Variants in NSG2 observed in about 807,000 individuals in gnomAD.
NSG2 encodes neuronal vesicle trafficking-associated protein 2.
Under a neutral mutation model 16.9 loss-of-function variants are expected in NSG2, and 4 were observed. The ratio of observed to expected loss-of-function variants is 0.24; its 90% CI spans 0.12 to 0.54. NSG2 has a LOEUF of 0.54. Ranked by LOEUF, NSG2 falls within the 20% of genes least tolerant of loss-of-function variation. The pLI, the probability that NSG2 is intolerant of heterozygous loss-of-function variation, is 0.95. For synonymous variants in NSG2, 98 were observed against 88.7 expected (o/e 1.11, Z -0.59); for missense variants, 179 against 221.1 (o/e 0.81, Z 1.21).
chr5:174,050,855 C>A (rs1759877062), intron 2 of NSG2, among the ~76,000 whole-genome samples: 1 of 152,094 alleles, frequency 6.6e-6, no homozygotes, highest in African/African-American at 2.4e-5. Context: ...TTCTCCCTTT[C>A]ATGCGACTCA....
chr5:174,065,801 T>A (rs1760128945), intron 3 of NSG2, among the ~76,000 whole-genome samples: 1 of 152,206 alleles, frequency 6.6e-6, no homozygotes, highest in South Asian at 2.1e-4. Flanking sequence ...TTCCACCTTA[T>A]CCTAGCTGTG....
intron 3 of NSG2, among the ~76,000 whole-genome samples, chr5:174,079,434 T>G (rs1760409648): frequency 6.6e-6 from 1 of 152,152 alleles, no homozygotes; most frequent in South Asian, 2.1e-4. Flanking sequence ...ATTTTTGTAT[T>G]TTTAGTAGAG....
intron 2 of NSG2, among the ~76,000 whole-genome samples, chr5:174,062,893 G>T (rs1760075689): frequency 1.3e-5 from 2 of 152,196 alleles, no homozygotes; most frequent in African/African-American, 4.8e-5. Flanking sequence ...GGGAAGGTTG[G>T]TGGGCGTTTT....
chr5:174,089,957 C>T (rs946309478), intron 3 of NSG2, among the ~76,000 whole-genome samples: 1 of 152,096 alleles, frequency 6.6e-6, no homozygotes, highest in Admixed American at 6.5e-5. Flanking sequence ...CTCTGGGAGG[C>T]AGGAAGAGAA....
chr5:174,103,048 C>T (rs1402861834), intron 3 of NSG2, among the ~76,000 whole-genome samples: 1 of 151,246 alleles, frequency 6.6e-6, no homozygotes, highest in African/African-American at 2.4e-5. Flanking sequence ...CTCGGCCTCC[C>T]AAAGTGCTGA....
At chr5:174,084,877 G>A (rs1470106966) in intron 3 of NSG2, among the ~76,000 whole-genome samples, 1 of 152,254 alleles carries the variant, frequency 6.6e-6, no homozygotes, top group Non-Finnish European at 1.5e-5. Context: ...CTGTGGCCTT[G>A]CAGGCTGGCT....
At chr5:174,104,173 G>A (rs1581245163) in intron 3 of NSG2, 55 bp from the exon 4 acceptor site, 17 of 1,267,114 alleles carry the variant, frequency 1.3e-5, no homozygotes, top group East Asian at 1.2e-4. Context: ...AGCTGCATAC[G>A]GGGACTGAAG....
chr5:174,068,959 G>T (rs1760191418), intron 3 of NSG2, among the ~76,000 whole-genome samples: 1 of 151,384 alleles, frequency 6.6e-6, no homozygotes, highest in South Asian at 2.1e-4. Flanking sequence ...TGTGGAAGGT[G>T]CTAGTACTAT....
chr5:174,076,926 A>G (rs754628423), intron 3 of NSG2, among the ~76,000 whole-genome samples: 4 of 152,214 alleles, frequency 2.6e-5, no homozygotes, highest in Non-Finnish European at 4.4e-5. Flanking sequence ...GCTGGGTCTA[A>G]AACCAGAAAT....
chr5:174,052,379 C>T (rs147328063), intron 2 of NSG2, among the ~76,000 whole-genome samples: 1 of 152,118 alleles, frequency 6.6e-6, no homozygotes, highest in East Asian at 1.9e-4. Context: ...GCTCCATTTG[C>T]CCACTAGACC....
intron 3 of NSG2, among the ~76,000 whole-genome samples, chr5:174,069,386 G>T (rs1386755765): frequency 6.6e-6 from 1 of 152,138 alleles, no homozygotes; most frequent in South Asian, 2.1e-4. Context: ...GCTGAGTTTG[G>T]ATTTGGAAGT....
chr5:174,059,862 G>A (rs1055534762), intron 2 of NSG2, among the ~76,000 whole-genome samples: 3 of 152,160 alleles, frequency 2.0e-5, no homozygotes. Context: ...GACCTACAAG[G>A]CTTCTTTCAT....
At chr5:174,049,806 T>C (rs1212740748) in intron 2 of NSG2, among the ~76,000 whole-genome samples, 2 of 152,212 alleles carry the variant, frequency 1.3e-5, no homozygotes, top group Non-Finnish European at 2.9e-5. Flanking sequence ...TGTGCTAATA[T>C]TTAGATTTTA....
rs1581247221 is a variant in NSG2 at position 174,108,020 on chromosome 5, C to T, written c.*515C>T. On this transcript the variant is annotated 3_prime_UTR_variant, in exon 5 of 5. Coordinates refer to ENST00000303177, the MANE Select transcript of NSG2 (RefSeq NM_015980.5). ...TAGCCTGTGGTCTGCAGGGTAGGCCCGCAGGAAATGAGGAATGGCCGAGCT... is the reference window on the plus strand; with the variant it reads ...TAGCCTGTGGTCTGCAGGGTAGGCCTGCAGGAAATGAGGAATGGCCGAGCT... 2.7e-5 allele frequency: 8 copies of T among 300,652 alleles called. No homozygotes were observed. The highest frequency in any genetic ancestry group is 5.6e-5 in the South Asian group (2 of 35,448). 18.6% of individuals were successfully genotyped at this position (300,652 alleles called of 1,614,324 possible). A position where few individuals can be genotyped will look rare whatever the true frequency, so the allele number is the denominator to read the frequency against.
intron 3 of NSG2, among the ~76,000 whole-genome samples, chr5:174,065,341 GAAAT>G (rs1388801992): frequency 2.7e-5 from 4 of 150,774 alleles, no homozygotes; most frequent in Non-Finnish European, 4.4e-5. Flanking sequence ...AAAAAAAAAA[GAAAT>G]AAGGACAGTG....
intron 2 of NSG2, chr5:174,056,672 T>C (rs1349471037): frequency 1.3e-5 from 2 of 152,240 alleles, no homozygotes; most frequent in East Asian, 3.8e-4. Context: ...GCTCTGAACC[T>C]GTCTCTTTGC....
chr5:174,080,208 A>G (rs1289477546), intron 3 of NSG2, among the ~76,000 whole-genome samples: 2 of 151,812 alleles, frequency 1.3e-5, no homozygotes, highest in African/African-American at 2.4e-5. Context: ...TTTGTTACAC[A>G]TCTTTATATC....
chr5:174,062,504 C>G (rs551231080), intron 2 of NSG2: 3 of 152,190 alleles, frequency 2.0e-5, no homozygotes, highest in Admixed American at 6.5e-5. Context: ...GCCCCCACCC[C>G]CTGTAAGCTC....
intron 1 of NSG2, 168 bp from the exon 2 acceptor site, chr5:174,046,566 T>A (rs558981821): frequency 1.7e-6 from 1 of 594,200 alleles, no homozygotes; most frequent in African/African-American, 1.9e-5. Context: ...AGAAGTTTTG[T>A]TGGACAATGG....
Sources: allele counts gnomAD v4.1 joint callset (sites outside exome capture counted in the v4.1 genomes callset), GRCh38; gene constraint gnomAD v4.1.1; transcripts MANE v1.5; gene names NCBI Gene and HGNC (gene_info 2026-07-23, HGNC 2026-07-21).